The following SLC8A3 variants were observed in gnomAD, a reference collection of about 807,000 sequenced individuals.
SLC8A3 encodes solute carrier family 8 member A3.
In SLC8A3, 37 loss-of-function variants were observed where a neutral mutation model predicts 65.4. The ratio of observed to expected loss-of-function variants is 0.57; its 90% CI spans 0.44 to 0.74. SLC8A3 has a LOEUF of 0.74. Among genes scored for constraint, SLC8A3 ranks in the 30% least tolerant of loss-of-function variants. The probability of loss-of-function intolerance (pLI) is 0.00; values close to 1 mark genes in which losing one functional copy is unlikely to be tolerated. For missense variants in SLC8A3, 1,112 were observed against 1,172.1 expected, an observed-to-expected ratio of 0.95 and a Z score of 0.75; for synonymous variants, 461 against 444.5, an observed-to-expected ratio of 1.04 and a Z score of -0.47.
chr14:70,059,982 G>A (rs1488318804), intron 3 of SLC8A3, among the ~76,000 whole-genome samples: 1 of 152,130 alleles, frequency 6.6e-6, no homozygotes, highest in African/African-American at 2.4e-5. Flanking sequence ...GCCTGAATGA[G>A]GCACCCAACC....
chr14:70,068,203 A>G (rs560555314), intron 2 of SLC8A3, among the ~76,000 whole-genome samples: 14 of 152,310 alleles, frequency 9.2e-5, no homozygotes, highest in African/African-American at 3.1e-4. Context: ...GGTTCTCTTT[A>G]GCCATTGAGT....
intron 2 of SLC8A3, among the ~76,000 whole-genome samples, chr14:70,111,684 C>T (rs1893313299): frequency 1.3e-5 from 2 of 152,222 alleles, no homozygotes; most frequent in Admixed American, 6.5e-5. Context: ...TGTCAAAGGA[C>T]TCATAAATTA....
At chr14:70,061,140 T>C (rs1175795762) in intron 2 of SLC8A3, among the ~76,000 whole-genome samples, 3 of 152,090 alleles carry the variant, frequency 2.0e-5, no homozygotes, top group Admixed American at 6.5e-5. Context: ...TTCTTGGTCA[T>C]AGTTGTTCTT....
At chr14:70,182,784 C>A (rs1882865672) in intron 1 of SLC8A3, among the ~76,000 whole-genome samples, 1 of 151,962 alleles carries the variant, frequency 6.6e-6, no homozygotes, top group Non-Finnish European at 1.5e-5. Flanking sequence ...AAGTGATATT[C>A]TTTTTAAGAT....
chr14:70,114,201 C>T (rs1442720275), intron 2 of SLC8A3, among the ~76,000 whole-genome samples: 1 of 152,162 alleles, frequency 6.6e-6, no homozygotes, highest in Non-Finnish European at 1.5e-5. Context: ...CTGCGGACCA[C>T]CTGACATCTT....
At chr14:70,084,598 C>T (rs1891291490) in intron 2 of SLC8A3, among the ~76,000 whole-genome samples, 1 of 152,188 alleles carries the variant, frequency 6.6e-6, no homozygotes, top group Admixed American at 6.5e-5. Flanking sequence ...AGTACTTTTC[C>T]ATCTCTCTCC....
At chr14:70,187,696 C>T (rs1883436588) in intron 1 of SLC8A3, among the ~76,000 whole-genome samples, 1 of 151,638 alleles carries the variant, frequency 6.6e-6, no homozygotes, top group Non-Finnish European at 1.5e-5. Context: ...TATTTCGATT[C>T]TCTCCACCGA....
intron 2 of SLC8A3, among the ~76,000 whole-genome samples, chr14:70,067,434 C>G (rs1444713380): frequency 6.6e-6 from 1 of 152,196 alleles, no homozygotes; most frequent in Non-Finnish European, 1.5e-5. Context: ...CAAGGACTAA[C>G]CAGACCCCAC....
chr14:70,156,558 G>T (rs1258509607), intron 2 of SLC8A3, among the ~76,000 whole-genome samples: 1 of 152,118 alleles, frequency 6.6e-6, no homozygotes, highest in Non-Finnish European at 1.5e-5. Context: ...ACAAAAGGAC[G>T]GTCCCTATTT....
chr14:70,047,681 A>G (rs1886949842), intron 6 of SLC8A3: 1 of 152,262 alleles, frequency 6.6e-6, no homozygotes, highest in Non-Finnish European at 1.5e-5. Flanking sequence ...CCCTTGGCCC[A>G]GCCAGAAAAG....
chr14:70,057,294 GTAGATAGA>G (rs3052660), intron 3 of SLC8A3, among the ~76,000 whole-genome samples: 3,825 of 149,556 alleles, frequency 0.026, 73 homozygotes, highest in African/African-American at 0.056. Flanking sequence ...AGGCAGATAG[GTAGATAGA>G]TAGATAGATA....
chr14:70,082,662 C>A (rs1891137429), intron 2 of SLC8A3, among the ~76,000 whole-genome samples: 1 of 152,150 alleles, frequency 6.6e-6, no homozygotes, highest in Non-Finnish European at 1.5e-5. Flanking sequence ...CTCACCTTGC[C>A]CTGTAAGCCC....
intron 1 of SLC8A3, among the ~76,000 whole-genome samples, chr14:70,178,282 C>T (rs1434335386): frequency 6.6e-6 from 1 of 152,180 alleles, no homozygotes; most frequent in East Asian, 1.9e-4. Flanking sequence ...TCAGTCTAGT[C>T]AAGGGAATAA....
chr14:70,157,562 G>C (rs976772076), intron 2 of SLC8A3, among the ~76,000 whole-genome samples: 1 of 152,234 alleles, frequency 6.6e-6, no homozygotes, highest in Admixed American at 6.5e-5. Flanking sequence ...GAGGAGCCAT[G>C]AGCTAGGACT....
At chr14:70,126,570 T>TCTCACACACACACA (rs1385909771) in intron 2 of SLC8A3, among the ~76,000 whole-genome samples, 1 of 116,996 alleles carries the variant, frequency 8.5e-6, no homozygotes, top group South Asian at 3.0e-4. Flanking sequence ...TCTCTCTCTC[T>TCTCACACACACACA]CACACACACA....
intron 3 of SLC8A3, among the ~76,000 whole-genome samples, chr14:70,052,762 C>T (rs1887650495): frequency 6.6e-6 from 1 of 152,184 alleles, no homozygotes; most frequent in Non-Finnish European, 1.5e-5. Context: ...TTTCAGAGCT[C>T]ATTTAAACAT....
intron 2 of SLC8A3, among the ~76,000 whole-genome samples, chr14:70,132,595 G>A (rs1894914837): frequency 2.0e-5 from 3 of 152,222 alleles, no homozygotes; most frequent in South Asian, 4.1e-4. Flanking sequence ...AGGCAAATGT[G>A]GATGAAACGG....
chr14:70,122,839 A>G (rs1289051039), intron 2 of SLC8A3, among the ~76,000 whole-genome samples: 3 of 152,138 alleles, frequency 2.0e-5, no homozygotes, highest in Non-Finnish European at 4.4e-5. Context: ...TGGGAGGCTG[A>G]GGCAGGAGGA....
chr14:70,126,189 G>T (rs542924746), intron 2 of SLC8A3, among the ~76,000 whole-genome samples: 94 of 152,222 alleles, frequency 6.2e-4, no homozygotes, highest in African/African-American at 2.1e-3. Flanking sequence ...GCTCCAGTCT[G>T]CTGTAGCCAT....
Sources: gnomAD v4.1 joint callset for allele counts (sites outside exome capture counted in the v4.1 genomes callset) on GRCh38, gnomAD v4.1.1 for gene constraint, MANE v1.5 for transcripts, NCBI Gene and HGNC (gene_info 2026-07-23, HGNC 2026-07-21) for gene names.